ZMYM2: variants seen among roughly 807,000 people sequenced by gnomAD.
The protein encoded by ZMYM2 is zinc finger MYM-type protein 2.
A neutral mutation model predicts 162.8 loss-of-function variants in ZMYM2; 56 were observed. The observed-to-expected ratio is 0.34, with a 90% CI of 0.28 to 0.43. ZMYM2 has a LOEUF of 0.43. Ranked by LOEUF, ZMYM2 falls within the 20% of genes least tolerant of loss-of-function variation. ZMYM2 has a pLI of 1.00. For synonymous variants in ZMYM2, 510 were observed against 541.6 expected (o/e 0.94, Z 0.81); for missense variants, 1,275 against 1,621.8 (o/e 0.79, Z 3.67).
intron 2 of ZMYM2, among the ~76,000 whole-genome samples, chr13:19,988,643 C>T (rs533042945): frequency 4.5e-4 from 68 of 152,122 alleles, no homozygotes; most frequent in Middle Eastern, 6.8e-3. Flanking sequence ...ATTAGCTGGG[C>T]GTGGTGGCGC....
In ZMYM2 at chr13:19,962,874, T is replaced by C. The variant is rs964469289; in HGVS notation, c.-11+2848T>C. Among the ~76,000 whole-genome samples, 3 of 135,664 alleles carry C rather than the reference T, an allele frequency of 2.2e-5. No individual in the cohort carries two copies. In the Admixed American group the frequency reaches 2.6e-4, roughly 12 times the overall value. The allele number at this position is 135,664 out of a possible 152,430, so 89.0% of individuals were successfully genotyped here. A position where few individuals can be genotyped will look rare whatever the true frequency, so the allele number is the denominator to read the frequency against. ...AGAGTCTCTGTCATCCAGGCTGGAG[T>C]GCAGTGGCGTGATGTCTGCTCACTG... On this transcript the variant is annotated intron_variant, in intron 2 of 24. Transcript: ENST00000610343.
At chr13:20,013,954 G>A (rs1315988060) in intron 6 of ZMYM2, among the ~76,000 whole-genome samples, 1 of 152,118 alleles carries the variant, frequency 6.6e-6, no homozygotes, top group Non-Finnish European at 1.5e-5. Flanking sequence ...TGGGGTGGGT[G>A]AGACATCTTG....
the ZMYM2 span, among the ~76,000 whole-genome samples, chr13:19,890,177 T>C: frequency 6.6e-6 from 1 of 151,972 alleles, no homozygotes; most frequent in Non-Finnish European, 1.5e-5. Flanking sequence ...GTTTTGTTCG[T>C]TTGTTTTTGA....
At chr13:20,019,816 G>T in intron 7 of ZMYM2, 198 bp downstream of exon 7, 1 of 560,782 alleles carries the variant, frequency 1.8e-6, no homozygotes, top group Non-Finnish European at 3.2e-6. Flanking sequence ...ATTTTCTTGT[G>T]ATATGCTCAT....
chr13:20,074,126 T>C (rs560381579), intron 21 of ZMYM2, among the ~76,000 whole-genome samples: 1 of 152,250 alleles, frequency 6.6e-6, no homozygotes, highest in African/African-American at 2.4e-5. Context: ...TTTGTCCTTT[T>C]TAGTCTGGCT....
chr13:20,049,180 G>GTT (rs57488088), intron 12 of ZMYM2, among the ~76,000 whole-genome samples: 1 of 151,808 alleles, frequency 6.6e-6, no homozygotes, highest in African/African-American at 2.4e-5. Context: ...CTCACTTACT[G>GTT]TTTTTTCATG....
intron 21 of ZMYM2, among the ~76,000 whole-genome samples, chr13:20,075,936 T>C (rs954183220): frequency 1.3e-5 from 2 of 151,696 alleles, no homozygotes; most frequent in African/African-American, 4.8e-5. Context: ...TCTCAGGTGA[T>C]CCCCCCACCT....
At chr13:19,894,343 A>G in the ZMYM2 span, among the ~76,000 whole-genome samples, 1 of 149,402 alleles carries the variant, frequency 6.7e-6, no homozygotes, top group Non-Finnish European at 1.5e-5. Flanking sequence ...AATACTGGAT[A>G]TCTTGTTTTT....
the ZMYM2 span, among the ~76,000 whole-genome samples, chr13:19,933,203 T>C: frequency 6.6e-6 from 1 of 152,178 alleles, no homozygotes; most frequent in African/African-American, 2.4e-5. Context: ...CCTCCCACAT[T>C]GGCCTCCAAA....
chr13:19,959,334 C>T (rs1220735037), intron 1 of ZMYM2, among the ~76,000 whole-genome samples: 2 of 152,080 alleles, frequency 1.3e-5, no homozygotes, highest in African/African-American at 2.4e-5. Context: ...AGCCGAGGTC[C>T]CCAAGTTTTT....
intron 12 of ZMYM2, among the ~76,000 whole-genome samples, chr13:20,046,338 G>T (rs1954776532): frequency 6.6e-6 from 1 of 151,586 alleles, no homozygotes; most frequent in African/African-American, 2.4e-5. Flanking sequence ...TTTGAAGTTG[G>T]GAGTTCTAGT....
chr13:20,086,017 A>G lies in ZMYM2; in HGVS notation c.*3A>G. 6.2e-7 allele frequency: 1 copy of G among 1,612,676 alleles called. No individual in the cohort carries two copies. The highest frequency in any genetic ancestry group is 8.5e-7 in the Non-Finnish European group (1 of 1,179,354). On this transcript the variant is annotated 3_prime_UTR_variant, in exon 25 of 25. Coordinates refer to ENST00000610343, the MANE Select transcript of ZMYM2 (RefSeq NM_197968.4). ...AACTGGATGAAGACACAGACTAAAA[A>G]GGAACGTTGCAGAAGCAATCGGGAT... is the stretch of plus-strand genomic sequence containing the variant.
chr13:20,020,308 C>T (rs1170309966), intron 7 of ZMYM2, among the ~76,000 whole-genome samples: 1 of 150,340 alleles, frequency 6.7e-6, no homozygotes, highest in African/African-American at 2.4e-5. Context: ...CATCTCGGCT[C>T]ACCGCAACCT....
At chr13:19,891,686 A>T in the ZMYM2 span, among the ~76,000 whole-genome samples, 1 of 150,968 alleles carries the variant, frequency 6.6e-6, no homozygotes, top group Non-Finnish European at 1.5e-5. Context: ...GCTGAGGTGG[A>T]GGTTCACTTG....
At chr13:20,079,343 AG>A (rs67587631) in intron 21 of ZMYM2, among the ~76,000 whole-genome samples, 42,432 of 82,210 alleles carry the variant, frequency 0.52, 16,338 homozygotes, top group Non-Finnish European at 0.66. Context: ...AAAAAAAAAA[AG>A]GATACTTAAT....
In ZMYM2 at chr13:20,086,951, T is replaced by A. The variant is rs1593303593; in HGVS notation, c.*937T>A. The A allele has an allele frequency of 5.5e-6, 1 of 181,540 alleles. No individual in the cohort carries two copies. Among genetic ancestry groups the A allele is most frequent in the East Asian group, 9.0e-5 (1 of 11,168 alleles). The allele number at this position is 181,540 out of a possible 1,614,324, so 11.2% of individuals were successfully genotyped here. On this transcript the variant is annotated 3_prime_UTR_variant, in exon 25 of 25. Coordinates refer to ENST00000610343, the MANE Select transcript of ZMYM2 (RefSeq NM_197968.4). ...TTTGATTTTTATTTCTTTTTTTCCC[T>A]CTTAAGGATACAGATCATGCTGCAA...
At chr13:20,028,938 T>C (rs1952824733) in intron 9 of ZMYM2, among the ~76,000 whole-genome samples, 2 of 152,186 alleles carry the variant, frequency 1.3e-5, no homozygotes, top group African/African-American at 4.8e-5. Flanking sequence ...TTCATCTCTC[T>C]GCATATAAAT....
In ZMYM2 at chr13:19,988,148, A is replaced by G. The variant is rs145453039; in HGVS notation, c.-10-4915A>G. On this transcript the variant is annotated intron_variant, in intron 2 of 24. Transcript: ENST00000610343. ...AAAAAATTCTGTTTTCTTTTAACTC[A>G]AAGGGGTTGTCACAGTTATGTGAGA... 3.3e-5 allele frequency among the ~76,000 whole-genome samples: 5 copies of G among 152,312 alleles called. No homozygotes were observed. The East Asian group carries it at 9.6e-4, about 29-fold the overall frequency.
rs1239417883 is a variant in ZMYM2, at chr13:20,000,035, C to T, written c.848-2815C>T. 7.2e-5 allele frequency among the ~76,000 whole-genome samples: 11 copies of T among 152,064 alleles called. 1 individual carries two copies. Among genetic ancestry groups the T allele is most frequent in the Admixed American group, 7.2e-4 (11 of 15,248 alleles). Reference sequence around the variant, plus strand: ...CCAGGCTGCTCTCAAACTGCTCAAGCAATCCACCTGCTTCAGACCCCCAAA... The same window carrying T: ...CCAGGCTGCTCTCAAACTGCTCAAGTAATCCACCTGCTTCAGACCCCCAAA... On this transcript the variant is annotated intron_variant, in intron 3 of 24. Coordinates refer to ENST00000610343, the MANE Select transcript of ZMYM2 (RefSeq NM_197968.4).
Sources: gnomAD v4.1 joint callset for allele counts (sites outside exome capture counted in the v4.1 genomes callset) on GRCh38, gnomAD v4.1.1 for gene constraint, MANE v1.5 for transcripts, NCBI Gene and HGNC (gene_info 2026-07-23, HGNC 2026-07-21) for gene names.